TRMT11: variants seen among roughly 807,000 people sequenced by gnomAD.
The protein encoded by TRMT11 is tRNA (guanine(10)-N(2))-methyltransferase TRMT11.
In TRMT11, 53 loss-of-function variants were observed where a neutral mutation model predicts 62.8. The observed-to-expected ratio is 0.84, with a 90% CI of 0.68 to 1.06. The LOEUF (loss-of-function observed/expected upper bound fraction) is 1.06, where lower values mean the gene tolerates loss of function less well. Ranked by LOEUF, TRMT11 falls within the 50% of genes least tolerant of loss-of-function variation. The probability of loss-of-function intolerance (pLI) is 0.00; values close to 1 mark genes in which losing one functional copy is unlikely to be tolerated. For synonymous variants in TRMT11, 188 were observed against 190.3 expected (o/e 0.99, Z 0.10); for missense variants, 556 against 553.4 (o/e 1.00, Z -0.05).
downstream of TRMT11, among the ~76,000 whole-genome samples, chr6:126,042,018 A>G (rs924302694): frequency 3.9e-5 from 6 of 152,214 alleles, no homozygotes; most frequent in African/African-American, 1.4e-4. Context: ...CAAACAAAAA[A>G]AAGTGCCTTA....
At chr6:126,209,577 AT>A in the TRMT11 span, among the ~76,000 whole-genome samples, 1 of 149,960 alleles carries the variant, frequency 6.7e-6, no homozygotes, top group Non-Finnish European at 1.5e-5. Context: ...AAAAAAAAAA[AT>A]AGCTGGGCAT....
chr6:126,229,167 T>A, the TRMT11 span, among the ~76,000 whole-genome samples: 5,372 of 152,318 alleles, frequency 0.035, 337 homozygotes, highest in African/African-American at 0.12. Flanking sequence ...TATTTTGACA[T>A]TTTAAACAGA....
At chr6:126,122,285 A>G (rs1777659210) in intron 21 of TRMT11, among the ~76,000 whole-genome samples, 1 of 152,042 alleles carries the variant, frequency 6.6e-6, no homozygotes, top group South Asian at 2.1e-4. Context: ...GGCTCAGAAA[A>G]TAATACCTCC....
intron 17 of TRMT11, among the ~76,000 whole-genome samples, chr6:126,104,585 C>T (rs1777442163): frequency 6.6e-6 from 1 of 152,168 alleles, no homozygotes; most frequent in Non-Finnish European, 1.5e-5. Flanking sequence ...AGAGGGGAAG[C>T]TCTTAATGTT....
At chr6:126,254,743 C>G in the TRMT11 span, among the ~76,000 whole-genome samples, 1 of 152,146 alleles carries the variant, frequency 6.6e-6, no homozygotes, top group Non-Finnish European at 1.5e-5. Flanking sequence ...TTTGAACTTG[C>G]AATTATGACA....
downstream of TRMT11, among the ~76,000 whole-genome samples, chr6:126,040,653 C>T (rs1775849257): frequency 2.0e-5 from 3 of 152,020 alleles, no homozygotes; most frequent in Admixed American, 2.0e-4. Flanking sequence ...GCCTGCATTT[C>T]AGAAAGTCCT....
At chr6:126,182,778 C>A (rs991219049) in intron 1 of TRMT11, among the ~76,000 whole-genome samples, 2 of 152,084 alleles carry the variant, frequency 1.3e-5, no homozygotes, top group African/African-American at 4.8e-5. Flanking sequence ...ATTTCCTGAG[C>A]TGAGAATGAC....
At chr6:126,007,830 CAGG>C (rs1366092365) in intron 7 of TRMT11, among the ~76,000 whole-genome samples, 2 of 152,072 alleles carry the variant, frequency 1.3e-5, no homozygotes, top group South Asian at 4.1e-4. Context: ...CAGTTTAAAA[CAGG>C]AGATAATTAC....
the TRMT11 span, among the ~76,000 whole-genome samples, chr6:126,256,136 G>C: frequency 1.7e-3 from 257 of 152,288 alleles, 4 homozygotes; most frequent in African/African-American, 5.7e-3. Flanking sequence ...GGAGGTCTCA[G>C]TTTCTCTCCA....
chr6:126,200,295 T>C (rs1778719803), intron 3 of TRMT11, among the ~76,000 whole-genome samples: 1 of 152,280 alleles, frequency 6.6e-6, no homozygotes, highest in African/African-American at 2.4e-5. Flanking sequence ...AAGAAAGCAA[T>C]GGCCACATCA....
At chr6:126,177,895 A>C (rs910574604) in intron 1 of TRMT11, among the ~76,000 whole-genome samples, 4 of 152,060 alleles carry the variant, frequency 2.6e-5, no homozygotes, top group Non-Finnish European at 5.9e-5. Flanking sequence ...ATTTTTTTCA[A>C]AGTATCCATC....
the TRMT11 span, among the ~76,000 whole-genome samples, chr6:126,240,405 G>C: frequency 2.6e-5 from 4 of 152,172 alleles, no homozygotes; most frequent in African/African-American, 9.7e-5. Context: ...TGTCATTTCT[G>C]TTTGTTAGTT....
chr6:126,008,918 C>T (rs1433347935), intron 8 of TRMT11, among the ~76,000 whole-genome samples: 3 of 151,764 alleles, frequency 2.0e-5, no homozygotes, highest in Non-Finnish European at 4.4e-5. Flanking sequence ...TATAATTTTA[C>T]TTGTTTTTAT....
intron 21 of TRMT11, among the ~76,000 whole-genome samples, chr6:126,127,455 T>A (rs1777730466): frequency 1.3e-5 from 2 of 152,088 alleles, no homozygotes; most frequent in South Asian, 4.1e-4. Flanking sequence ...TTTTTCTTTC[T>A]CTTTTTTATT....
the TRMT11 span, among the ~76,000 whole-genome samples, chr6:126,216,172 A>G: frequency 3.3e-5 from 5 of 152,076 alleles, no homozygotes; most frequent in Non-Finnish European, 7.4e-5. Context: ...CAGGACAGGT[A>G]TGGTGTTGAT....
At chr6:126,111,527 C>T (rs1777531555) in intron 17 of TRMT11, among the ~76,000 whole-genome samples, 1 of 152,148 alleles carries the variant, frequency 6.6e-6, no homozygotes, top group South Asian at 2.1e-4. Context: ...TGGTTACTCA[C>T]TTTCCCAGCA....
Position 126,093,591 on chromosome 6 carries a change from A to G in TRMT11, c.*1438-19275A>G, listed in dbSNP as rs1341116742. Among the ~76,000 whole-genome samples, 93 of 32,156 alleles carry G rather than the reference A, an allele frequency of 2.9e-3. 1 individual carries two copies. The highest frequency in any genetic ancestry group is 0.032 in the Middle Eastern group (2 of 62). 21.1% of individuals were successfully genotyped at this position (32,156 alleles called of 152,430 possible). On this transcript the variant is annotated intron_variant and NMD_transcript_variant, in intron 17 of 22. Transcript: ENST00000648977. ...TAGGTAACAGGATATGTATGTATAT[A>G]TATATATATATATATATATATATAT...
downstream of TRMT11, among the ~76,000 whole-genome samples, chr6:126,044,223 AT>A (rs1775979175): frequency 3.3e-5 from 5 of 152,106 alleles, no homozygotes; most frequent in African/African-American, 1.2e-4. Flanking sequence ...TCTTGAATTA[AT>A]TTTTGTATAA....
At chr6:126,155,593 T>G in intron 21 of TRMT11, among the ~76,000 whole-genome samples, 1 of 152,212 alleles carries the variant, frequency 6.6e-6, no homozygotes, top group South Asian at 2.1e-4. Flanking sequence ...CAAAACAAGT[T>G]ATTTGCTCCC....
Sources: gnomAD v4.1 joint callset for allele counts (sites outside exome capture counted in the v4.1 genomes callset) on GRCh38, gnomAD v4.1.1 for gene constraint, MANE v1.5 for transcripts, NCBI Gene and HGNC (gene_info 2026-07-23, HGNC 2026-07-21) for gene names.